The following PDE1C variants were observed in gnomAD, a reference collection of about 807,000 sequenced individuals.
PDE1C encodes the protein phosphodiesterase 1C, also known as dual specificity calcium/calmodulin-dependent 3',5'-cyclic nucleotide phosphodiesterase 1C.
In PDE1C, 62 loss-of-function variants were observed where a neutral mutation model predicts 93.1. That is an observed-to-expected ratio of 0.67 (90% CI 0.54 to 0.82). PDE1C has a LOEUF of 0.82. Among genes scored for constraint, PDE1C ranks in the 40% least tolerant of loss-of-function variants. PDE1C has a pLI of 0.00. For synonymous variants in PDE1C, 325 were observed against 310.1 expected (o/e 1.05, Z -0.50); for missense variants, 742 against 884.6 (o/e 0.84, Z 2.04).
intron 2 of PDE1C, among the ~76,000 whole-genome samples, chr7:31,888,838 T>C (rs1368904187): frequency 1.3e-5 from 2 of 152,142 alleles, no homozygotes; most frequent in East Asian, 3.8e-4. Flanking sequence ...AAATAAGTTA[T>C]TCTAATTAAG....
intron 2 of PDE1C, among the ~76,000 whole-genome samples, chr7:31,907,916 A>C (rs1800791858): frequency 6.6e-6 from 1 of 152,174 alleles, no homozygotes; most frequent in Non-Finnish European, 1.5e-5. Flanking sequence ...CAAATAACTA[A>C]GGTGAAATAA....
intron 2 of PDE1C, among the ~76,000 whole-genome samples, chr7:31,892,091 G>T (rs1798716703): frequency 6.6e-6 from 1 of 152,174 alleles, no homozygotes; most frequent in Non-Finnish European, 1.5e-5. Context: ...ATGACAAAAG[G>T]CTGGACATAG....
At chr7:31,780,720 GTCATA>G (rs2128637279) in intron 16 of PDE1C, among the ~76,000 whole-genome samples, 1 of 152,238 alleles carries the variant, frequency 6.6e-6, no homozygotes, top group Non-Finnish European at 1.5e-5. Context: ...AGCAAACTGT[GTCATA>G]CAACACAGTT....
intron 9 of PDE1C, among the ~76,000 whole-genome samples, chr7:31,844,438 T>A (rs1224213708): frequency 6.6e-6 from 1 of 151,756 alleles, no homozygotes; most frequent in African/African-American, 2.4e-5. Context: ...GCATCCTGTG[T>A]TGGCTTTTTG....
At chr7:31,954,607 T>A (rs968374478) in intron 2 of PDE1C, among the ~76,000 whole-genome samples, 13 of 152,210 alleles carry the variant, frequency 8.5e-5, no homozygotes, top group African/African-American at 3.1e-4. Context: ...GCCAAGGATC[T>A]GTCCCTCTGG....
chr7:32,179,789 A>T (rs1216321124), intron 2 of PDE1C, among the ~76,000 whole-genome samples: 1 of 152,210 alleles, frequency 6.6e-6, no homozygotes, highest in East Asian at 1.9e-4. Flanking sequence ...TTTAAATCTG[A>T]CAAGTGACTC....
At chr7:32,071,457 GCTCT>G (rs754035781), upstream of PDE1C, 2 of 979,056 alleles carry the variant, frequency 2.0e-6, no homozygotes, top group Admixed American at 6.2e-5. Flanking sequence ...TCTCGCTCGC[GCTCT>G]CTCTCCTCCC....
At chr7:31,718,793 C>A in the PDE1C span, among the ~76,000 whole-genome samples, 2 of 152,188 alleles carry the variant, frequency 1.3e-5, no homozygotes, top group African/African-American at 2.4e-5. Flanking sequence ...TCATGCATGA[C>A]CCTCAGCAGC....
At chr7:31,736,741 T>C in the PDE1C span, among the ~76,000 whole-genome samples, 3 of 152,190 alleles carry the variant, frequency 2.0e-5, no homozygotes, top group Non-Finnish European at 4.4e-5. Flanking sequence ...AAAAATGTTA[T>C]AGAGTTAATG....
At chr7:32,147,196 G>T (rs1289431978) in intron 3 of PDE1C, among the ~76,000 whole-genome samples, 1 of 149,744 alleles carries the variant, frequency 6.7e-6, no homozygotes, top group South Asian at 2.1e-4. Context: ...GAAAAAAAAA[G>T]ATGTTGAAGA....
In PDE1C at chr7:31,951,379, G is replaced by A. The variant is rs557038546; in HGVS notation, c.129-70519C>T. ...GAAGAGTAGGTTCCAAACCTATCACGGCATGCCTGGTAGTTCAGCCACTGG... is the reference window on the plus strand; with the variant it reads ...GAAGAGTAGGTTCCAAACCTATCACAGCATGCCTGGTAGTTCAGCCACTGG... On this transcript the variant is annotated intron_variant, in intron 2 of 17. Transcript: ENST00000396191. Among the ~76,000 whole-genome samples the A allele has an allele frequency of 5.9e-5, 9 of 152,230 alleles. No homozygotes were observed. In the East Asian group the frequency reaches 1.2e-3, roughly 20 times the overall value.
intron 2 of PDE1C, among the ~76,000 whole-genome samples, chr7:32,206,387 C>G (rs1562578551): frequency 6.6e-6 from 1 of 152,132 alleles, no homozygotes; most frequent in Non-Finnish European, 1.5e-5. Flanking sequence ...AGCTGACTGT[C>G]TAATAGAGAC....
intron 2 of PDE1C, among the ~76,000 whole-genome samples, chr7:32,187,894 C>T (rs1453332460): frequency 6.6e-6 from 1 of 152,282 alleles, no homozygotes; most frequent in African/African-American, 2.4e-5. Context: ...GGACTAGCCA[C>T]ATTTCAAGTG....
intron 2 of PDE1C, among the ~76,000 whole-genome samples, chr7:31,912,156 G>A (rs965606163): frequency 2.0e-5 from 3 of 152,118 alleles, no homozygotes; most frequent in Non-Finnish European, 4.4e-5. Flanking sequence ...CAGTAAGGAG[G>A]AGAAAAGTCA....
At chr7:31,678,741 T>C in the PDE1C span, among the ~76,000 whole-genome samples, 1 of 152,204 alleles carries the variant, frequency 6.6e-6, no homozygotes. Flanking sequence ...ACAGAAAAGA[T>C]AGGATTTAAG....
intron 2 of PDE1C, among the ~76,000 whole-genome samples, chr7:31,949,345 A>G (rs941099534): frequency 1.3e-5 from 2 of 152,134 alleles, no homozygotes; most frequent in Admixed American, 1.3e-4. Context: ...CTGTAATCCC[A>G]GCTGCTCGGG....
At chr7:32,395,962 T>G (rs1461665180) in intron 1 of PDE1C, among the ~76,000 whole-genome samples, 2 of 152,210 alleles carry the variant, frequency 1.3e-5, no homozygotes, top group African/African-American at 4.8e-5. Context: ...CAACATAGTA[T>G]TATATCTTAA....
chr7:31,838,922 T>C (rs1363345556), intron 9 of PDE1C, among the ~76,000 whole-genome samples: 1 of 151,372 alleles, frequency 6.6e-6, no homozygotes, highest in Admixed American at 6.6e-5. Flanking sequence ...CTATCTAAAA[T>C]AGTTTGAATT....
chr7:31,762,251 T>C (rs1380439842), intron 17 of PDE1C, among the ~76,000 whole-genome samples: 2 of 152,240 alleles, frequency 1.3e-5, no homozygotes, highest in Non-Finnish European at 2.9e-5. Context: ...CCATGTGCGT[T>C]AGATGTAGTG....
Sources: gnomAD v4.1 joint callset for allele counts (sites outside exome capture counted in the v4.1 genomes callset) on GRCh38, gnomAD v4.1.1 for gene constraint, MANE v1.5 for transcripts, NCBI Gene and HGNC (gene_info 2026-07-23, HGNC 2026-07-21) for gene names.